The following KIAA1671 variants were observed in gnomAD, a reference collection of about 807,000 sequenced individuals.
KIAA1671 encodes the protein uncharacterized protein KIAA1671.
Under a neutral mutation model 131.2 loss-of-function variants are expected in KIAA1671, and 52 were observed. That is an observed-to-expected ratio of 0.40 (90% CI 0.32 to 0.50). KIAA1671 has a LOEUF of 0.50. KIAA1671 is among the 20% of genes least tolerant of loss of function. KIAA1671 has a pLI of 0.73. For synonymous variants in KIAA1671, 1,003 were observed against 961.6 expected, an observed-to-expected ratio of 1.04 and a Z score of -0.80; for missense variants, 2,360 against 2,364.2, an observed-to-expected ratio of 1.00 and a Z score of 0.04.
chr22:25,125,941 G>A (rs1190608152), intron 6 of KIAA1671, among the ~76,000 whole-genome samples: 1 of 152,212 alleles, frequency 6.6e-6, no homozygotes, highest in East Asian at 1.9e-4. Context: ...GGGCAAGTCT[G>A]TCTGCTCTGA....
At chr22:24,976,406 T>C (rs1270045786) in intron 1 of KIAA1671, among the ~76,000 whole-genome samples, 1 of 152,232 alleles carries the variant, frequency 6.6e-6, no homozygotes, top group Non-Finnish European at 1.5e-5. Flanking sequence ...GGATTTTGCT[T>C]CCCAGTTCCT....
At chr22:25,191,773 C>T (rs1312554095) in intron 12 of KIAA1671, among the ~76,000 whole-genome samples, 1 of 152,162 alleles carries the variant, frequency 6.6e-6, no homozygotes, top group East Asian at 1.9e-4. Context: ...AAGAGACTCA[C>T]CATCCCTTAT....
intron 5 of KIAA1671, among the ~76,000 whole-genome samples, chr22:25,043,972 G>A (rs1372545080): frequency 6.6e-6 from 1 of 151,794 alleles, no homozygotes; most frequent in Non-Finnish European, 1.5e-5. Flanking sequence ...TGGCCAGTCT[G>A]GAAGTGGATG....
At chr22:25,013,349 T>A (rs966809260) in intron 1 of KIAA1671, 9 of 152,152 alleles carry the variant, frequency 5.9e-5, no homozygotes, top group African/African-American at 2.2e-4. Context: ...CAGGGTCTGC[T>A]GTATTGACTA....
intron 1 of KIAA1671, among the ~76,000 whole-genome samples, chr22:25,003,025 G>A (rs529374414): frequency 1.3e-5 from 2 of 152,180 alleles, no homozygotes; most frequent in South Asian, 2.1e-4. Context: ...CATCCGCCTC[G>A]GCCTCCCAAA....
rs533720025 is a variant in KIAA1671 at position 24,970,730 on chromosome 22, T to TAAAAAA, written c.-208+17964_-208+17969dup. ...CTAACACTATCAATAGTTGATGAGC[T>TAAAAAA]AAAAAAAAAAACAAAACAAAACTCA... On this transcript the variant is annotated intron_variant, in intron 1 of 12. Transcript: ENST00000358431. Among the ~76,000 whole-genome samples, 12 of 137,390 alleles carry TAAAAAA rather than the reference T, an allele frequency of 8.7e-5. 1 individual carries two copies. The East Asian group carries it at 1.0e-3, about 12-fold the overall frequency. 90.1% of individuals were successfully genotyped at this position (137,390 alleles called of 152,430 possible). A position where few individuals can be genotyped will look rare whatever the true frequency, so the allele number is the denominator to read the frequency against.
rs1926836637 is a variant in KIAA1671, at chr22:25,040,260, G to T, written c.3130G>T (p.Val1044Phe). ...IPNTQKAKGVVLSGAESLLEH... is the reference protein window; with the variant it reads ...IPNTQKAKGVFLSGAESLLEH... ...CAATACTCAAAAGGCAAAGGGTGTGGTTCTGTCAGGAGCTGAAAGCTTGCT... is the reference window on the plus strand; with the variant it reads ...CAATACTCAAAAGGCAAAGGGTGTGTTTCTGTCAGGAGCTGAAAGCTTGCT... The change falls in exon 5 of 13, where the codon GTT (valine) becomes TTT (phenylalanine). Residue 1044 changes from valine (V) to phenylalanine (F), a missense_variant. Transcript: ENST00000358431. The T allele has an allele frequency of 6.4e-7, 1 of 1,551,582 alleles. No individual in the cohort carries two copies. Among genetic ancestry groups the T allele is most frequent in the Non-Finnish European group, 8.7e-7 (1 of 1,147,008 alleles).
intron 11 of KIAA1671, among the ~76,000 whole-genome samples, chr22:25,186,946 C>G (rs1439524216): frequency 6.6e-6 from 1 of 152,238 alleles, no homozygotes; most frequent in Non-Finnish European, 1.5e-5. Context: ...TCAGAGGCAC[C>G]TCTGGAGGCC....
chr22:24,956,508 G>A (rs972226660), intron 1 of KIAA1671, among the ~76,000 whole-genome samples: 7 of 152,176 alleles, frequency 4.6e-5, no homozygotes, highest in Admixed American at 1.3e-4. Context: ...AGAGGAAGGT[G>A]GGTTTCAGTT....
intron 1 of KIAA1671, among the ~76,000 whole-genome samples, chr22:24,996,434 C>T (rs1256176284): frequency 6.6e-6 from 1 of 152,108 alleles, no homozygotes; most frequent in Non-Finnish European, 1.5e-5. Flanking sequence ...ATTGCCATTC[C>T]TTTTCAGACT....
intron 6 of KIAA1671, among the ~76,000 whole-genome samples, chr22:25,074,512 A>AG (rs1928995049): frequency 6.8e-6 from 1 of 147,954 alleles, no homozygotes; most frequent in Non-Finnish European, 1.5e-5. Flanking sequence ...AAAAAAAAAA[A>AG]AAAAAGAAAG....
intron 6 of KIAA1671, chr22:25,055,799 G>GATATAGATATAGAT (rs1331806807): frequency 1.6e-5 from 2 of 128,326 alleles, no homozygotes; most frequent in East Asian, 2.0e-4. Context: ...GATAGATATA[G>GATATAGATATAGAT]ATAGATATAG....
At chr22:25,181,851 TGGTGG>T (rs1934288419) in intron 10 of KIAA1671, 28 bp downstream of exon 10, 2 of 1,547,902 alleles carry the variant, frequency 1.3e-6, no homozygotes, top group African/African-American at 1.4e-5. Context: ...AAGAGTCACC[TGGTGG>T]GCATGATCCT....
intron 1 of KIAA1671, among the ~76,000 whole-genome samples, chr22:24,957,000 G>T (rs757575820): frequency 1.3e-5 from 2 of 152,124 alleles, no homozygotes; most frequent in Non-Finnish European, 2.9e-5. Flanking sequence ...TTCCCTATCT[G>T]TAAAAAGGGC....
At chr22:25,137,477 C>T (rs1435552309) in intron 6 of KIAA1671, among the ~76,000 whole-genome samples, 1 of 152,232 alleles carries the variant, frequency 6.6e-6, no homozygotes, top group South Asian at 2.1e-4. Context: ...TTGTTTCCCT[C>T]AGTTCGGGAG....
intron 3 of KIAA1671, among the ~76,000 whole-genome samples, chr22:25,030,426 T>G (rs893735944): frequency 7.2e-5 from 11 of 151,776 alleles, no homozygotes; most frequent in Non-Finnish European, 1.5e-4. Flanking sequence ...TCCCAGCTAC[T>G]CAGGAGGCTG....
At chr22:25,132,000 G>A (rs1932463026) in intron 6 of KIAA1671, among the ~76,000 whole-genome samples, 1 of 152,242 alleles carries the variant, frequency 6.6e-6, no homozygotes, top group Non-Finnish European at 1.5e-5. Flanking sequence ...GATTATGGTG[G>A]TGGTGATGGC....
At chr22:24,987,710 A>G (rs118061726) in intron 1 of KIAA1671, among the ~76,000 whole-genome samples, 7,995 of 152,178 alleles carry the variant, frequency 0.053, 275 homozygotes, top group Non-Finnish European at 0.08. Context: ...TCCCACCTCA[A>G]CCTCCAGAGT....
chr22:25,063,989 C>T (rs978433103), intron 6 of KIAA1671: 3 of 152,146 alleles, frequency 2.0e-5, no homozygotes, highest in East Asian at 1.9e-4. Flanking sequence ...CTCTACCAGG[C>T]GCCTGCTTCC....
Sources: gnomAD v4.1 joint callset for allele counts (sites outside exome capture counted in the v4.1 genomes callset) on GRCh38, gnomAD v4.1.1 for gene constraint, MANE v1.5 for transcripts, NCBI Gene and HGNC (gene_info 2026-07-23, HGNC 2026-07-21) for gene names.